The following LAMB1 variants were observed in gnomAD, a reference collection of about 807,000 sequenced individuals.
LAMB1 encodes laminin subunit beta-1.
Under a neutral mutation model 222.3 loss-of-function variants are expected in LAMB1, and 121 were observed. That is an observed-to-expected ratio of 0.54 (90% CI 0.47 to 0.63). The LOEUF (loss-of-function observed/expected upper bound fraction) is 0.63, where lower values mean the gene tolerates loss of function less well. Ranked by LOEUF, LAMB1 falls within the 30% of genes least tolerant of loss-of-function variation. LAMB1 has a pLI of 0.00. For synonymous variants in LAMB1, 794 were observed against 807.2 expected, an observed-to-expected ratio of 0.98 and a Z score of 0.28; for missense variants, 2,172 against 2,240.8, an observed-to-expected ratio of 0.97 and a Z score of 0.62.
At chr7:107,991,125 T>G (rs1422572336) in intron 5 of LAMB1, among the ~76,000 whole-genome samples, 2 of 152,126 alleles carry the variant, frequency 1.3e-5, no homozygotes, top group African/African-American at 4.8e-5. Context: ...AAGACTGGCA[T>G]AAACAAAAAT....
chr7:107,934,890 A>T (rs1297363704), intron 27 of LAMB1, among the ~76,000 whole-genome samples: 4 of 113,356 alleles, frequency 3.5e-5, no homozygotes, highest in Non-Finnish European at 6.7e-5. Flanking sequence ...ACGTAGTGAG[A>T]CTCCATCTCT....
At chr7:107,951,921 C>A in intron 23 of LAMB1, 88 bp downstream of exon 23, 2 of 1,103,982 alleles carry the variant, frequency 1.8e-6, no homozygotes, top group Non-Finnish European at 2.6e-6. Flanking sequence ...AAGCTGTGTG[C>A]CCTGGTGCCT....
In LAMB1 at chr7:107,959,439, T is replaced by C; in HGVS notation, c.2500A>G (p.Asn834Asp). Residue 834 changes from asparagine (N) to aspartate (D), a missense_variant, in exon 20 of 34, where the codon AAT becomes GAT. Physicochemically the swap from Asn to Asp is conservative, Grantham distance 23 (BLOSUM62 1). Transcript: ENST00000222399. ...CAGTGGCACTGGCCAGTGACGGGAT[T>C]GCAGAAGGCATTGACAGATCCTTGC... is the stretch of plus-strand genomic sequence containing the variant. ...HLQGSVNAFC[N>D]PVTGQCHCFQ... 6.2e-7 allele frequency: 1 copy of C among 1,614,170 alleles called. No homozygotes were observed. Among genetic ancestry groups the C allele is most frequent in the Admixed American group, 1.7e-5 (1 of 60,024 alleles).
intron 5 of LAMB1, among the ~76,000 whole-genome samples, chr7:107,986,661 T>C (rs965300906): frequency 1.3e-5 from 2 of 152,198 alleles, no homozygotes; most frequent in African/African-American, 4.8e-5. Flanking sequence ...TTCGTATATT[T>C]AGTCACCATG....
chr7:107,969,305 A>G (rs1467072957), intron 13 of LAMB1, among the ~76,000 whole-genome samples: 2 of 151,344 alleles, frequency 1.3e-5, no homozygotes, highest in Non-Finnish European at 2.9e-5. Context: ...AAAAAAAAAA[A>G]TCATAAATAT....
At chr7:107,932,462 A>C in intron 27 of LAMB1, 85 bp from the exon 28 acceptor site, 2 of 1,348,798 alleles carry the variant, frequency 1.5e-6, no homozygotes, top group Non-Finnish European at 2.1e-6. Flanking sequence ...GGGTGGCCCC[A>C]GAGAATGTGT....
At chr7:107,931,289 A>C in intron 29 of LAMB1, 67 bp downstream of exon 29, 1 of 1,387,584 alleles carries the variant, frequency 7.2e-7, no homozygotes, top group Non-Finnish European at 1.0e-6. Flanking sequence ...AATGGATTTT[A>C]TCTAAAATGT....
intron 3 of LAMB1, chr7:107,999,755 T>A (rs1185243421): frequency 7.0e-6 from 1 of 143,348 alleles, no homozygotes; most frequent in African/African-American, 2.6e-5. Context: ...AGAGCCTGGC[T>A]CCAGTTGCTT....
chr7:107,966,172 ATGT>A (rs1231746803), intron 13 of LAMB1, among the ~76,000 whole-genome samples: 1 of 152,026 alleles, frequency 6.6e-6, no homozygotes, highest in African/African-American at 2.4e-5. Context: ...TTTGTGTATC[ATGT>A]TGTTATCCTA....
chr7:107,978,647 G>GTT (rs11438298), intron 8 of LAMB1, among the ~76,000 whole-genome samples: 6 of 151,584 alleles, frequency 4.0e-5, no homozygotes, highest in South Asian at 2.1e-4. Flanking sequence ...GCTTATTTTA[G>GTT]TTTTTTTTAC....
At chr7:107,941,845 T>C (rs2032990419) in intron 24 of LAMB1, among the ~76,000 whole-genome samples, 1 of 136,852 alleles carries the variant, frequency 7.3e-6, no homozygotes, top group Non-Finnish European at 1.6e-5. Context: ...TTTTTTTTTT[T>C]TTTTTTTTTT....
At position 107,953,678 on chromosome 7, in the gene LAMB1, C is replaced by T. The variant is rs201794035; in HGVS notation, c.2931G>A (p.Gln977=). The change falls in exon 22 of 34, where the codon CAG becomes CAA. Residue 977 remains glutamine, a synonymous_variant. Coordinates refer to ENST00000222399, the MANE Select transcript of LAMB1 (RefSeq NM_002291.3). Reference sequence around the variant, plus strand: ...CTGTCGTGTCAATGTTGTTGTGACACTGGCAAGGCTGACACGACCCCCCAA... The same window carrying T: ...CTGTCGTGTCAATGTTGTTGTGACATTGGCAAGGCTGACACGACCCCCCAA... ...SEVGGSCQPC[Q]CHNNIDTTDP... The T allele has an allele frequency of 1.1e-5, 17 of 1,614,046 alleles. No individual in the cohort carries two copies. The highest frequency in any genetic ancestry group is 2.2e-5 in the East Asian group (1 of 44,884).
chr7:107,961,586 C>A lies in LAMB1; in HGVS notation c.1948G>T (p.Asp650Tyr). Reference sequence around the variant, plus strand: ...GATAATGACACCACCTGGTTGTCATCATCGGGGATGGTATTACCACATCGG... The same window carrying A: ...GATAATGACACCACCTGGTTGTCATAATCGGGGATGGTATTACCACATCGG... Reference protein sequence around the residue: ...SSRCGNTIPDDDNQVVSLSPG... With the variant: ...SSRCGNTIPDYDNQVVSLSPG... Residue 650 changes from aspartate (D) to tyrosine (Y), a missense_variant, in exon 16 of 34, where the codon GAT becomes TAT. Coordinates refer to ENST00000222399, the MANE Select transcript of LAMB1 (RefSeq NM_002291.3). 6.2e-7 allele frequency: 1 copy of A among 1,614,100 alleles called. No homozygotes were observed. Among genetic ancestry groups the A allele is most frequent in the Non-Finnish European group, 8.5e-7 (1 of 1,179,956 alleles).
chr7:107,989,887 G>A (rs1333055797), intron 5 of LAMB1, among the ~76,000 whole-genome samples: 1 of 152,076 alleles, frequency 6.6e-6, no homozygotes, highest in Non-Finnish European at 1.5e-5. Context: ...AGAAGCTGCT[G>A]GAAACCAGAA....
intron 4 of LAMB1, 146 bp from the exon 5 acceptor site, chr7:107,995,106 A>G: frequency 1.8e-6 from 1 of 559,364 alleles, no homozygotes; most frequent in Non-Finnish European, 3.2e-6. Context: ...CTGAAACTAA[A>G]TAATAATCCC....
At chr7:107,951,164 T>C (rs1478714322) in intron 24 of LAMB1, 62 bp downstream of exon 24, 5 of 1,246,246 alleles carry the variant, frequency 4.0e-6, no homozygotes, top group Admixed American at 1.8e-5. Flanking sequence ...CAGAAGGCTC[T>C]TGTAGAACCC....
chr7:107,975,269 T>C lies in LAMB1; in HGVS notation c.1334A>G (p.Tyr445Cys), dbSNP rs766731970. The change falls in exon 11 of 34, where the codon TAT becomes TGT. Residue 445 changes from tyrosine (Y) to cysteine (C), a missense_variant. Transcript: ENST00000222399. ...EHCDVCKEGFYDLSSEDPFGC... is the reference protein window; with the variant it reads ...EHCDVCKEGFCDLSSEDPFGC... ...AAATGGATCTTCACTGCTTAAATCA[T>C]AGAAGCCTTCTTTGCAAACATCACA... The C allele has an allele frequency of 1.4e-5, 22 of 1,613,992 alleles. No individual in the cohort carries two copies. Among genetic ancestry groups the C allele is most frequent in the South Asian group, 1.3e-4 (12 of 91,038 alleles).
At chr7:107,928,473 T>C (rs2032620531) in intron 31 of LAMB1, among the ~76,000 whole-genome samples, 1 of 152,076 alleles carries the variant, frequency 6.6e-6, no homozygotes, top group South Asian at 2.1e-4. Flanking sequence ...GAACAGAGTA[T>C]ATGCTGTTTC....
Position 107,960,627 on chromosome 7 carries a change from T to G in LAMB1, c.2132A>C (p.Lys711Thr). The G allele has an allele frequency of 1.2e-6, 2 of 1,614,242 alleles. No individual in the cohort carries two copies. Among genetic ancestry groups the G allele is most frequent in the South Asian group, 1.1e-5 (1 of 91,086 alleles). The change falls in exon 18 of 34, where the codon AAA becomes ACA. Residue 711 changes from lysine (K) to threonine (T), a missense_variant. Transcript: ENST00000222399. ...IDSLVLMPYC[K>T]SLDIFTVGGS... ...TCCCACGGTGAAGATGTCCAGTGAT[T>G]TACAGTATGGCATGAGAACAAGCTG...
Sources: allele counts gnomAD v4.1 joint callset (sites outside exome capture counted in the v4.1 genomes callset), GRCh38; gene constraint gnomAD v4.1.1; transcripts MANE v1.5; gene names NCBI Gene and HGNC (gene_info 2026-07-23, HGNC 2026-07-21).